ZNF536: variants seen among roughly 807,000 people sequenced by gnomAD.
ZNF536 encodes the protein zinc finger protein 536.
ZNF536 carries 13 observed loss-of-function variants against 84.5 expected under a neutral mutation model. That is an observed-to-expected ratio of 0.15 (90% CI 0.10 to 0.24). The LOEUF (loss-of-function observed/expected upper bound fraction) is 0.24, where lower values mean the gene tolerates loss of function less well. ZNF536 is among the 10% of genes least tolerant of loss of function. The probability of loss-of-function intolerance (pLI) is 1.00; values close to 1 mark genes in which losing one functional copy is unlikely to be tolerated. For synonymous variants in ZNF536, 811 were observed against 742.5 expected (o/e 1.09, Z -1.50); for missense variants, 1,536 against 1,747.5 (o/e 0.88, Z 2.16).
intron 1 of ZNF536, among the ~76,000 whole-genome samples, chr19:30,687,765 T>C (rs535027008): frequency 6.6e-6 from 1 of 152,350 alleles, no homozygotes; most frequent in Admixed American, 6.5e-5. Flanking sequence ...GGCCTCCTGC[T>C]GTATAAAATA....
intron 1 of ZNF536, among the ~76,000 whole-genome samples, chr19:30,604,878 C>T (rs894082103): frequency 2.0e-4 from 31 of 152,300 alleles, no homozygotes; most frequent in Middle Eastern, 3.4e-3. Context: ...ATGAATGACT[C>T]TGCATGATGG....
intron 2 of ZNF536, among the ~76,000 whole-genome samples, chr19:30,308,639 G>A (rs1166100510): frequency 6.6e-6 from 1 of 152,142 alleles, no homozygotes; most frequent in Non-Finnish European, 1.5e-5. Flanking sequence ...CTACTAGAGG[G>A]AGTTAAGGCC....
intron 2 of ZNF536, among the ~76,000 whole-genome samples, chr19:30,483,246 G>T (rs977215583): frequency 1.3e-5 from 2 of 152,144 alleles, no homozygotes; most frequent in African/African-American, 4.8e-5. Flanking sequence ...TGTTCCTAGG[G>T]TGCCAGGTCA....
chr19:30,664,201 GT>G lies in ZNF536; in HGVS notation c.170-46552del, dbSNP rs143561694. Among the ~76,000 whole-genome samples, 552 of 110,366 alleles carry G rather than the reference GT, an allele frequency of 5.0e-3. 5 individuals are homozygous for G. Among genetic ancestry groups the G allele is most frequent in the Non-Finnish European group, 7.8e-3 (405 of 51,982 alleles). 72.4% of individuals were successfully genotyped at this position (110,366 alleles called of 152,430 possible). A position where few individuals can be genotyped will look rare whatever the true frequency, so the allele number is the denominator to read the frequency against. ...TGCTATCTAGAGGAATTCTTGCTGA[GT>G]TTTCTCTCTCTCTCTCTCTCTCTCT... On this transcript the variant is annotated intron_variant, in intron 1 of 1. Transcript: ENST00000592773.
chr19:30,488,134 C>G (rs1443603167), intron 2 of ZNF536, among the ~76,000 whole-genome samples: 1 of 152,228 alleles, frequency 6.6e-6, no homozygotes, highest in African/African-American at 2.4e-5. Flanking sequence ...GATCTGACAT[C>G]TACTTACAGA....
chr19:30,265,016 GC>G (rs2025438635), intron 1 of ZNF536, among the ~76,000 whole-genome samples: 1 of 150,168 alleles, frequency 6.7e-6, no homozygotes, highest in Non-Finnish European at 1.5e-5. Flanking sequence ...TCATCTCGCA[GC>G]CATTTCTTTA....
At chr19:30,378,170 A>G (rs967864882) in intron 1 of ZNF536, among the ~76,000 whole-genome samples, 1 of 151,924 alleles carries the variant, frequency 6.6e-6, no homozygotes, top group Non-Finnish European at 1.5e-5. Context: ...TCTACTTTTT[A>G]TGTTTTTTTA....
intron 1 of ZNF536, among the ~76,000 whole-genome samples, chr19:30,631,467 T>C (rs1291617579): frequency 6.6e-6 from 1 of 152,190 alleles, no homozygotes; most frequent in Non-Finnish European, 1.5e-5. Flanking sequence ...CGGGTTGGCT[T>C]TCCAGAGCAG....
chr19:30,565,348 G>A (rs2046313441), intron 1 of ZNF536, among the ~76,000 whole-genome samples: 1 of 152,098 alleles, frequency 6.6e-6, no homozygotes, highest in Admixed American at 6.5e-5. Context: ...GAAAGATGGG[G>A]TGATCTGGGG....
intron 1 of ZNF536, among the ~76,000 whole-genome samples, chr19:30,656,602 A>T: frequency 6.6e-6 from 1 of 152,174 alleles, no homozygotes; most frequent in Non-Finnish European, 1.5e-5. Context: ...GAGTCAAAGG[A>T]TGTCATTCCC....
At chr19:30,684,122 C>T (rs1021488000) in intron 1 of ZNF536, among the ~76,000 whole-genome samples, 1 of 152,068 alleles carries the variant, frequency 6.6e-6, no homozygotes, top group Admixed American at 6.6e-5. Flanking sequence ...CACATGTACA[C>T]ACACACACAC....
chr19:30,408,835 C>T (rs754369410), intron 1 of ZNF536, among the ~76,000 whole-genome samples: 2 of 151,532 alleles, frequency 1.3e-5, no homozygotes, highest in Non-Finnish European at 2.9e-5. Flanking sequence ...ATCATCCATC[C>T]ATCTATATAT....
chr19:30,485,321 T>C (rs1267592099), intron 2 of ZNF536, among the ~76,000 whole-genome samples: 1 of 152,218 alleles, frequency 6.6e-6, no homozygotes, highest in Non-Finnish European at 1.5e-5. Context: ...TCACATATCA[T>C]ACAGTTAATG....
chr19:30,511,192 C>G (rs1236696186), intron 2 of ZNF536, among the ~76,000 whole-genome samples: 1 of 152,160 alleles, frequency 6.6e-6, no homozygotes, highest in African/African-American at 2.4e-5. Context: ...TTCCTTCCCC[C>G]ACCAGACACC....
chr19:30,397,003 C>T (rs10408278), intron 1 of ZNF536, among the ~76,000 whole-genome samples: 2,777 of 152,260 alleles, frequency 0.018, 86 homozygotes, highest in African/African-American at 0.061. Context: ...TTGCTAGAGC[C>T]CAGAGCTCCC....
chr19:30,449,093 A>G (rs533168045), intron 2 of ZNF536, among the ~76,000 whole-genome samples: 1 of 152,354 alleles, frequency 6.6e-6, no homozygotes, highest in South Asian at 2.1e-4. Context: ...TGACAAATTG[A>G]GAGGTCATAT....
At chr19:30,449,418 G>A (rs541831826) in intron 2 of ZNF536, among the ~76,000 whole-genome samples, 138 of 152,290 alleles carry the variant, frequency 9.1e-4, no homozygotes, top group African/African-American at 2.8e-3. Context: ...GGCTGAGCTC[G>A]AATCCTCGCT....
intron 4 of ZNF536, chr19:30,554,741 T>C (rs950799474): frequency 6.6e-6 from 1 of 152,228 alleles, no homozygotes; most frequent in African/African-American, 2.4e-5. Context: ...GGTTGCGTTC[T>C]ATTACAACTT....
At chr19:30,240,525 C>G (rs1008999012) in intron 1 of ZNF536, among the ~76,000 whole-genome samples, 1 of 152,230 alleles carries the variant, frequency 6.6e-6, no homozygotes, top group African/African-American at 2.4e-5. Flanking sequence ...CTGCAGGTTG[C>G]TCTGCCTGGG....
Sources: allele counts gnomAD v4.1 joint callset (sites outside exome capture counted in the v4.1 genomes callset), GRCh38; gene constraint gnomAD v4.1.1; transcripts MANE v1.5; gene names NCBI Gene and HGNC (gene_info 2026-07-23, HGNC 2026-07-21).